Variants in NTN4 observed in about 807,000 individuals in gnomAD.
NTN4 encodes netrin 4.
In NTN4, 32 loss-of-function variants were observed where a neutral mutation model predicts 73.6. The observed-to-expected ratio is 0.44, with a 90% CI of 0.33 to 0.58. The LOEUF (loss-of-function observed/expected upper bound fraction) is 0.58, where lower values mean the gene tolerates loss of function less well. NTN4 is among the 20% of genes least tolerant of loss of function. The pLI is 0.04. For synonymous variants in NTN4, 258 were observed against 287.5 expected (o/e 0.90, Z 1.04); for missense variants, 654 against 798.3 (o/e 0.82, Z 2.18).
At chr12:95,730,264 A>C (rs148831728) in intron 3 of NTN4, among the ~76,000 whole-genome samples, 5 of 152,344 alleles carry the variant, frequency 3.3e-5, no homozygotes, top group African/African-American at 1.2e-4. Flanking sequence ...TTAAATGAAC[A>C]AATATTATAT....
At chr12:95,772,212 G>A (rs558075760) in intron 2 of NTN4, among the ~76,000 whole-genome samples, 17 of 152,106 alleles carry the variant, frequency 1.1e-4, no homozygotes, top group Admixed American at 2.6e-4. Flanking sequence ...GCTAATTTTT[G>A]TATTTTTTGT....
chr12:95,757,786 ATG>A (rs1301638364), intron 2 of NTN4, among the ~76,000 whole-genome samples: 2 of 146,718 alleles, frequency 1.4e-5, no homozygotes, highest in Admixed American at 1.4e-4. Flanking sequence ...AAAAAAAAAA[ATG>A]TAATTAAAAA....
At chr12:95,770,997 T>C (rs113255484) in intron 2 of NTN4, among the ~76,000 whole-genome samples, 1 of 113,706 alleles carries the variant, frequency 8.8e-6, no homozygotes, top group Admixed American at 8.0e-5. Context: ...AATTTGTTTT[T>C]TTTTTTTTTT....
At position 95,781,311 on chromosome 12, in the gene NTN4, T is replaced by TA. The variant is rs1565918770; in HGVS notation, c.585+5627_585+5628insT. Among the ~76,000 whole-genome samples, 11 of 151,956 alleles carry TA rather than the reference T, an allele frequency of 7.2e-5. No homozygotes were observed. Among genetic ancestry groups the TA allele is most frequent in the African/African-American group, 2.2e-4 (9 of 41,376 alleles). On this transcript the variant is annotated intron_variant, in intron 2 of 9. Transcript: ENST00000343702. This position sits in a 1 kb window ranked among gnomAD's most constrained non-coding sequence, Gnocchi z 4.1. ...AGAACTTAAAGTATAATAAAAAAAT[T>TA]TAAAAAACCATACCATTACCATAAA... is the stretch of plus-strand genomic sequence containing the variant.
intron 2 of NTN4, among the ~76,000 whole-genome samples, chr12:95,751,412 G>C (rs1161891121): frequency 6.6e-6 from 1 of 152,196 alleles, no homozygotes; most frequent in African/African-American, 2.4e-5. Context: ...GCAGCGGCCA[G>C]GCGTTCCTCC....
At chr12:95,667,177 G>A (rs1232436212) in intron 8 of NTN4, among the ~76,000 whole-genome samples, 1 of 151,098 alleles carries the variant, frequency 6.6e-6, no homozygotes, top group Non-Finnish European at 1.5e-5. Context: ...GAACACTAGG[G>A]AACGTAGGGA....
chr12:95,679,792 A>G (rs2078301894), intron 7 of NTN4, among the ~76,000 whole-genome samples: 1 of 152,086 alleles, frequency 6.6e-6, no homozygotes, highest in African/African-American at 2.4e-5. Flanking sequence ...ATCTTACTCC[A>G]GGTGAAAGCC....
Position 95,736,676 on chromosome 12 carries a change from T to C in NTN4, c.864+1190A>G, listed in dbSNP as rs574623298. ...AGGATTTCAAAGATCCATCAGTGTC[T>C]AGAAACTAGCAGGTATCTGTTGAAT... On this transcript the variant is annotated intron_variant, in intron 3 of 9. Transcript: ENST00000343702. Among the ~76,000 whole-genome samples the C allele has an allele frequency of 9.2e-5, 14 of 152,358 alleles. No homozygotes were observed. In the East Asian group the frequency reaches 2.7e-3, roughly 29 times the overall value.
intron 2 of NTN4, among the ~76,000 whole-genome samples, chr12:95,759,485 A>ATTTTTTTTTTTT (rs748864733): frequency 8.2e-6 from 1 of 122,312 alleles, no homozygotes; most frequent in Non-Finnish European, 1.7e-5. Flanking sequence ...CCCTAGTAGT[A>ATTTTTTTTTTTT]TTTTTGTTTT....
rs112156593 is a variant in NTN4 at position 95,748,244 on chromosome 12, A to G, written c.586-10100T>C. Among the ~76,000 whole-genome samples, 1,011 of 138,474 alleles carry G rather than the reference A, an allele frequency of 7.3e-3. 18 individuals carry two copies. Among genetic ancestry groups the G allele is most frequent in the African/African-American group, 0.025 (955 of 37,846 alleles). 90.8% of individuals were successfully genotyped at this position (138,474 alleles called of 152,430 possible). A position where few individuals can be genotyped will look rare whatever the true frequency, so the allele number is the denominator to read the frequency against. ...AGACTCTGTCTCAAAAAAAAAAAAAAAAAAGAAAAGAAAAGAAAAAATAGA... is the reference window on the plus strand; with the variant it reads ...AGACTCTGTCTCAAAAAAAAAAAAAGAAAAGAAAAGAAAAGAAAAAATAGA... On this transcript the variant is annotated intron_variant, in intron 2 of 9. Coordinates refer to ENST00000343702, the MANE Select transcript of NTN4 (RefSeq NM_021229.4).
rs1427309921 is a variant in NTN4, at chr12:95,790,525, G to GC, written c.-217dup. On this transcript the variant is annotated 5_prime_UTR_variant, in exon 1 of 10. The change abolishes the stop of an existing upstream ORF in the 5' untranslated region. Transcript: ENST00000343702. The surrounding 1 kb of genome is among the most constrained non-coding windows in gnomAD (Gnocchi z 6.5). ...GGGGTGACCCTCGCGCACCGGCCTGGCGGGTCCCGGGCACCTGGGGGGCGG... is the reference window on the plus strand; with the variant it reads ...GGGGTGACCCTCGCGCACCGGCCTGGCCGGGTCCCGGGCACCTGGGGGGCGG... 1 of 379,352 alleles carries GC rather than the reference G, an allele frequency of 2.6e-6. No homozygotes were observed. The highest frequency in any genetic ancestry group is 4.7e-6 in the Non-Finnish European group (1 of 214,536). The allele number at this position is 379,352 out of a possible 1,614,324, so 23.5% of individuals were successfully genotyped here.
At chr12:95,783,593 A>T (rs1002345428) in intron 2 of NTN4, among the ~76,000 whole-genome samples, 2 of 152,244 alleles carry the variant, frequency 1.3e-5, no homozygotes, top group African/African-American at 4.8e-5. Flanking sequence ...AGGGTCACAA[A>T]TAGAGGGAGA....
chr12:95,719,236 A>C (rs1249079101), intron 3 of NTN4, among the ~76,000 whole-genome samples: 1 of 152,182 alleles, frequency 6.6e-6, no homozygotes, highest in African/African-American at 2.4e-5. Context: ...ATTTATATAC[A>C]TGATTTCAAT....
intron 2 of NTN4, among the ~76,000 whole-genome samples, chr12:95,775,122 G>C (rs1040765729): frequency 6.6e-5 from 10 of 152,218 alleles, no homozygotes; most frequent in African/African-American, 2.4e-4. Context: ...TAGCAAAAGG[G>C]GTTTTTATCA....
intron 2 of NTN4, among the ~76,000 whole-genome samples, chr12:95,749,997 G>A (rs1444652072): frequency 6.6e-6 from 1 of 150,480 alleles, no homozygotes; most frequent in Non-Finnish European, 1.5e-5. Flanking sequence ...CGCTTTTCTG[G>A]GGGAGGGGCA....
chr12:95,771,066 T>A (rs1022938460), intron 2 of NTN4, among the ~76,000 whole-genome samples: 4 of 149,076 alleles, frequency 2.7e-5, no homozygotes, highest in African/African-American at 1.0e-4. Context: ...CTCGGCTCAC[T>A]GCAAGCTCCG....
At chr12:95,672,744 T>G in intron 7 of NTN4, 1 of 1,376,364 alleles carries the variant, frequency 7.3e-7, no homozygotes, top group Admixed American at 1.7e-5. Context: ...ACCTCACAGA[T>G]GATCAGCTAT....
chr12:95,669,776 A>T (rs571861002), intron 8 of NTN4, among the ~76,000 whole-genome samples: 1 of 152,230 alleles, frequency 6.6e-6, no homozygotes, highest in South Asian at 2.1e-4. Context: ...GGCAAGAAGT[A>T]TCCACGAGAA....
intron 5 of NTN4, among the ~76,000 whole-genome samples, chr12:95,700,489 T>C (rs984464163): frequency 6.6e-6 from 1 of 152,162 alleles, no homozygotes; most frequent in African/African-American, 2.4e-5. Flanking sequence ...CTGGTGATTC[T>C]GACCCACAGC....
Sources: allele counts gnomAD v4.1 joint callset (sites outside exome capture counted in the v4.1 genomes callset), GRCh38; gene constraint gnomAD v4.1.1; non-coding constraint Gnocchi (gnomAD v3.1); transcripts MANE v1.5; gene names NCBI Gene and HGNC (gene_info 2026-07-23, HGNC 2026-07-21).